Variants in EMCN observed in about 807,000 individuals in gnomAD.
EMCN encodes the protein endomucin.
EMCN carries 37 observed loss-of-function variants against 38.4 expected under a neutral mutation model. That is an observed-to-expected ratio of 0.96 (90% confidence interval 0.74 to 1.27). The LOEUF is 1.27. Ranked by LOEUF, EMCN falls within the 50% of genes most tolerant of loss-of-function variation. EMCN has a pLI of 0.00. For synonymous variants in EMCN, 95 were observed against 100.8 expected, an observed-to-expected ratio of 0.94 and a Z score of 0.35; for missense variants, 318 against 302.8, an observed-to-expected ratio of 1.05 and a Z score of -0.37.
chr4:100,417,051 G>C, intron 9 of EMCN, 66 bp downstream of exon 9: 2 of 1,476,084 alleles, frequency 1.4e-6, no homozygotes, highest in East Asian at 4.5e-5. Flanking sequence ...AGTATAAGTA[G>C]AGTAACAATA....
chr4:100,492,474 A>C (rs1729107811), intron 1 of EMCN, among the ~76,000 whole-genome samples: 1 of 152,116 alleles, frequency 6.6e-6, no homozygotes. Context: ...AGAAAGAGAA[A>C]AGAGACAGCA....
chr4:100,405,388 C>T (rs1323518607), intron 11 of EMCN, among the ~76,000 whole-genome samples: 1 of 152,032 alleles, frequency 6.6e-6, no homozygotes, highest in Non-Finnish European at 1.5e-5. Context: ...AGGTATATTT[C>T]TTCAATGCCT....
At chr4:100,473,373 G>GTT (rs1256284835) in intron 3 of EMCN, among the ~76,000 whole-genome samples, 12,610 of 65,140 alleles carry the variant, frequency 0.19, 2,647 homozygotes, top group Non-Finnish European at 0.25. Context: ...GTGTTTTTTT[G>GTT]TTTTTTTTTT....
At chr4:100,504,422 T>G (rs13104228) in intron 1 of EMCN, among the ~76,000 whole-genome samples, 16,638 of 152,282 alleles carry the variant, frequency 0.11, 1,071 homozygotes, top group Admixed American at 0.15. Context: ...TATAATAAAA[T>G]ATATAAAACA....
At chr4:100,455,029 GTTTTA>G (rs1727971073) in intron 4 of EMCN, among the ~76,000 whole-genome samples, 2 of 151,872 alleles carry the variant, frequency 1.3e-5, no homozygotes, top group Admixed American at 1.3e-4. Context: ...TGTTTAAGCC[GTTTTA>G]TTTTATGTGA....
chr4:100,495,284 G>A (rs1454115493), intron 1 of EMCN, among the ~76,000 whole-genome samples: 1 of 151,872 alleles, frequency 6.6e-6, no homozygotes, highest in Non-Finnish European at 1.5e-5. Context: ...TCACAATAAT[G>A]AGTTTGACAA....
chr4:100,429,100 AG>A (rs1324500553), intron 5 of EMCN, among the ~76,000 whole-genome samples: 2 of 152,184 alleles, frequency 1.3e-5, no homozygotes, highest in Admixed American at 1.3e-4. Context: ...AAATGGAAGA[AG>A]TAAACAGGCC....
chr4:100,471,974 T>C (rs1159889883), intron 3 of EMCN, among the ~76,000 whole-genome samples: 1 of 152,010 alleles, frequency 6.6e-6, no homozygotes, highest in African/African-American at 2.4e-5. Context: ...ATTAACATCA[T>C]ACTTACTGGT....
intron 5 of EMCN, among the ~76,000 whole-genome samples, chr4:100,424,488 T>C (rs955351864): frequency 3.9e-5 from 6 of 152,052 alleles, no homozygotes; most frequent in African/African-American, 1.4e-4. Context: ...ACCAAAGAAA[T>C]TGATATTTCT....
intron 11 of EMCN, among the ~76,000 whole-genome samples, chr4:100,400,224 C>T (rs562398364): frequency 2.1e-4 from 32 of 152,282 alleles, no homozygotes; most frequent in African/African-American, 7.7e-4. Context: ...GCAGCAGTAT[C>T]AGATTGCTAT....
intron 11 of EMCN, among the ~76,000 whole-genome samples, chr4:100,408,444 T>G (rs141832002): frequency 1.3e-5 from 2 of 152,348 alleles, no homozygotes; most frequent in African/African-American, 4.8e-5. Context: ...AGGGTCTTTA[T>G]TTGCAGTTGA....
At chr4:100,417,490 C>T (rs530647539) in intron 8 of EMCN, among the ~76,000 whole-genome samples, 2 of 152,104 alleles carry the variant, frequency 1.3e-5, no homozygotes, top group Non-Finnish European at 2.9e-5. Flanking sequence ...TGAAAAAATT[C>T]TATTAAAAGT....
chr4:100,432,371 A>G (rs1727227321), intron 5 of EMCN, among the ~76,000 whole-genome samples: 1 of 152,148 alleles, frequency 6.6e-6, no homozygotes, highest in Admixed American at 6.6e-5. Flanking sequence ...TCTGAAGTTC[A>G]CCCATGACAT....
chr4:100,427,776 A>G (rs1436176588), intron 5 of EMCN, among the ~76,000 whole-genome samples: 4 of 152,108 alleles, frequency 2.6e-5, no homozygotes, highest in African/African-American at 9.7e-5. Flanking sequence ...ATAAATCCGG[A>G]TACTTACTTA....
rs76131921 is a variant in EMCN, at chr4:100,436,850, C to G, written c.415+10683G>C. ...CACATGGGGCGGGGGACAACACACACTGGGGCCTATCAGTGGTGAGAGAGG... is the reference window on the plus strand; with the variant it reads ...CACATGGGGCGGGGGACAACACACAGTGGGGCCTATCAGTGGTGAGAGAGG... On this transcript the variant is annotated intron_variant, in intron 5 of 11. Transcript: ENST00000296420. Among the ~76,000 whole-genome samples, 406 of 152,216 alleles carry G rather than the reference C, an allele frequency of 2.7e-3. 2 individuals carry two copies. The highest frequency in any genetic ancestry group is 9.3e-3 in the African/African-American group (388 of 41,536).
At chr4:100,411,293 A>C (rs1042534509) in intron 10 of EMCN, among the ~76,000 whole-genome samples, 3 of 152,166 alleles carry the variant, frequency 2.0e-5, no homozygotes, top group African/African-American at 7.2e-5. Context: ...GCTCCAAGGC[A>C]ATCTTTTGCT....
chr4:100,419,953 G>A (rs1434211703), intron 8 of EMCN, among the ~76,000 whole-genome samples: 1 of 152,164 alleles, frequency 6.6e-6, no homozygotes, highest in South Asian at 2.1e-4. Flanking sequence ...GTGTCCTGGG[G>A]GGCACACTGT....
At chr4:100,439,710 G>A (rs1356227028) in intron 5 of EMCN, among the ~76,000 whole-genome samples, 13 of 151,704 alleles carry the variant, frequency 8.6e-5, no homozygotes, top group Non-Finnish European at 1.3e-4. Context: ...TCCTTGAAGT[G>A]TAATGTTAGA....
chr4:100,455,180 G>C (rs960845453), intron 4 of EMCN, among the ~76,000 whole-genome samples: 4 of 151,484 alleles, frequency 2.6e-5, no homozygotes, highest in Admixed American at 6.6e-5. Flanking sequence ...CTCCAGTATT[G>C]ATTTTACAAC....
Sources: allele counts gnomAD v4.1 joint callset (sites outside exome capture counted in the v4.1 genomes callset), GRCh38; gene constraint gnomAD v4.1.1; transcripts MANE v1.5; gene names NCBI Gene and HGNC (gene_info 2026-07-23, HGNC 2026-07-21).